Variants in DNAH14 observed in about 807,000 individuals in gnomAD.
The protein encoded by DNAH14 is axonemal beta dynein heavy chain 14.
In DNAH14, 478 loss-of-function variants were observed where a neutral mutation model predicts 520.9. That is an observed-to-expected ratio of 0.92 (90% confidence interval 0.85 to 0.99). The LOEUF is 0.99. DNAH14 is among the 50% of genes least tolerant of loss of function. The probability of loss-of-function intolerance (pLI) is 0.00; values close to 1 mark genes in which losing one functional copy is unlikely to be tolerated. For synonymous variants in DNAH14, 1,581 were observed against 1,757.2 expected, an observed-to-expected ratio of 0.90 and a Z score of 2.51; for missense variants, 4,831 against 5,234.5, an observed-to-expected ratio of 0.92 and a Z score of 2.38.
chr1:225,199,233 T>C (rs2086514019), intron 38 of DNAH14, among the ~76,000 whole-genome samples: 2 of 152,168 alleles, frequency 1.3e-5, no homozygotes, highest in Admixed American at 6.5e-5. Context: ...TTTTCTGTCT[T>C]CTTTTCTTGG....
At chr1:225,296,973 T>C (rs2094023149) in intron 55 of DNAH14, among the ~76,000 whole-genome samples, 1 of 152,168 alleles carries the variant, frequency 6.6e-6, no homozygotes, top group African/African-American at 2.4e-5. Flanking sequence ...TTTTTTGGGG[T>C]TGAATCTACT....
intron 36 of DNAH14, among the ~76,000 whole-genome samples, chr1:225,177,675 G>T (rs190508228): frequency 6.6e-6 from 1 of 152,322 alleles, no homozygotes; most frequent in East Asian, 1.9e-4. Flanking sequence ...TCCATGTGAT[G>T]TTGAGCCTGC....
intron 17 of DNAH14, among the ~76,000 whole-genome samples, chr1:225,057,156 A>G (rs1269948517): frequency 6.6e-6 from 1 of 152,212 alleles, no homozygotes; most frequent in Non-Finnish European, 1.5e-5. Context: ...GATTCTTCCT[A>G]CCCATGAGCA....
chr1:224,953,909 A>G (rs1196581433), intron 2 of DNAH14, among the ~76,000 whole-genome samples: 1 of 152,212 alleles, frequency 6.6e-6, no homozygotes, highest in African/African-American at 2.4e-5. Flanking sequence ...TTAAGAAGCC[A>G]TAAACAATAC....
chr1:225,322,841 A>G lies in DNAH14; in HGVS notation c.9495+18A>G, dbSNP rs1384165638. ...CTGATAAGGTAAAAAGTTGATCTCT[A>G]ATTGATGCATCTCATATTTACAGTC... On this transcript the variant is annotated intron_variant, in intron 62 of 85. Transcript: ENST00000682510. The G allele has an allele frequency of 5.2e-6, 8 of 1,538,116 alleles. No homozygotes were observed. The highest frequency in any genetic ancestry group is 1.4e-5 in the African/African-American group (1 of 72,802).
chr1:225,297,188 T>A (rs1452893008), intron 55 of DNAH14, among the ~76,000 whole-genome samples: 1 of 152,084 alleles, frequency 6.6e-6, no homozygotes, highest in Non-Finnish European at 1.5e-5. Flanking sequence ...TTCATTGAAA[T>A]CTGTAGCTCT....
chr1:224,987,821 T>G (rs2449260), intron 8 of DNAH14, among the ~76,000 whole-genome samples: 22,910 of 151,928 alleles, frequency 0.15, 3,189 homozygotes, highest in African/African-American at 0.36. Flanking sequence ...AGAGATGAGG[T>G]TTCACTATGT....
chr1:225,272,765 A>T (rs1243548486), intron 51 of DNAH14, among the ~76,000 whole-genome samples, 190 bp from the exon 52 acceptor site: 1 of 152,066 alleles, frequency 6.6e-6, no homozygotes, highest in African/African-American at 2.4e-5. Context: ...ATTCCATACC[A>T]ATTTTCCCTA....
chr1:225,103,336 T>A (rs181467807), intron 23 of DNAH14, among the ~76,000 whole-genome samples: 1 of 152,322 alleles, frequency 6.6e-6, no homozygotes, highest in East Asian at 1.9e-4. Context: ...TGCCTCCAGC[T>A]TTGTTCTTTT....
Position 225,055,702 on chromosome 1 carries a change from T to C in DNAH14, c.2424+3907T>C, listed in dbSNP as rs558173543. Reference sequence around the variant, plus strand: ...CCCTCCCCCCTCCCCCACCACACAATAGGCCCTGTTGTGTGATGTTCCCCT... The same window carrying C: ...CCCTCCCCCCTCCCCCACCACACAACAGGCCCTGTTGTGTGATGTTCCCCT... On this transcript the variant is annotated intron_variant, in intron 17 of 85. Transcript: ENST00000682510. 1.4e-4 allele frequency among the ~76,000 whole-genome samples: 16 copies of C among 110,770 alleles called. No individual in the cohort carries two copies. In the East Asian group the frequency reaches 3.6e-3, roughly 25 times the overall value. The allele number at this position is 110,770 out of a possible 152,430, so 72.7% of individuals were successfully genotyped here.
At chr1:225,079,684 T>TTC (rs1278917758) in intron 18 of DNAH14, 136 bp downstream of exon 18, 1 of 645,424 alleles carries the variant, frequency 1.5e-6, no homozygotes, top group Non-Finnish European at 2.4e-6. Flanking sequence ...TTTTTTTTTT[T>TTC]TTTTTTTGAG....
At chr1:225,316,762 TC>T (rs2150168341) in intron 60 of DNAH14, among the ~76,000 whole-genome samples, 1 of 152,352 alleles carries the variant, frequency 6.6e-6, no homozygotes, top group Admixed American at 6.5e-5. Flanking sequence ...TGCGTTGATC[TC>T]GCTGGGAGCT....
Position 225,380,149 on chromosome 1 carries a change from T to G in DNAH14, c.12717-10T>G. ...TCTGTGTCTCATTCTTCTCTTGGTT[T>G]TTTTTGCAGACCTGAGCAGAGTAAG... On this transcript the variant is annotated splice_polypyrimidine_tract_variant and intron_variant, in intron 79 of 85. Transcript: ENST00000682510. 1 of 1,541,402 alleles carries G rather than the reference T, an allele frequency of 6.5e-7. No individual in the cohort carries two copies. The highest frequency in any genetic ancestry group is 2.5e-5 in the East Asian group (1 of 40,786).
Position 225,140,840 on chromosome 1 carries a change from G to A in DNAH14, c.4327G>A (p.Val1443Ile). The stretch of plus-strand genomic sequence containing the variant: ...TTATTCAAGAGAAAAATTGGAAAAA[G>A]TCCACGCTGGTCTGATGTGTCATCT... ...SSYSREKLEK[V>I]HAGLMCHLEE... The change falls in exon 28 of 86, where the codon GTC becomes ATC. Residue 1443 changes from valine to isoleucine, a missense_variant. Val to Ile is a conservative substitution (Grantham distance 29, BLOSUM62 3). Transcript: ENST00000682510. 2 of 1,551,020 alleles carry A rather than the reference G, an allele frequency of 1.3e-6. No individual in the cohort carries two copies. The highest frequency in any genetic ancestry group is 2.4e-5 in the East Asian group (1 of 40,878).
chr1:224,977,892 A>G (rs1572197228), intron 8 of DNAH14, among the ~76,000 whole-genome samples: 1 of 151,982 alleles, frequency 6.6e-6, no homozygotes, highest in Non-Finnish European at 1.5e-5. Flanking sequence ...AAGGAATACA[A>G]ATGGCCAGCA....
In DNAH14 at chr1:225,050,249, T is replaced by A; in HGVS notation, c.1952T>A (p.Ile651Asn). Residue 651 changes from isoleucine (I) to asparagine (N), a missense_variant, in exon 16 of 86, where the codon ATC becomes AAC. Ile to Asn is a moderately radical substitution (Grantham distance 149, BLOSUM62 -3). Coordinates refer to ENST00000682510, the MANE Select transcript of DNAH14 (RefSeq NM_001367479.1). ...TPLCQDPQLS[I>N]FIDLVSIMDL... is the part of the protein sequence containing the mutation. ...CTTTGCCAAGATCCCCAGCTGTCTATCTTCATTGATTTGGTTTCAATAATG... is the reference window on the plus strand; with the variant it reads ...CTTTGCCAAGATCCCCAGCTGTCTAACTTCATTGATTTGGTTTCAATAATG... The A allele has an allele frequency of 6.5e-7, 1 of 1,549,334 alleles. No individual in the cohort carries two copies. The highest frequency in any genetic ancestry group is 8.7e-7 in the Non-Finnish European group (1 of 1,146,214).
intron 83 of DNAH14, among the ~76,000 whole-genome samples, chr1:225,391,404 C>T (rs2095910901): frequency 6.6e-6 from 1 of 151,998 alleles, no homozygotes; most frequent in Admixed American, 6.6e-5. Context: ...CCCAGGAGGT[C>T]GAGGCTGCAG....
intron 5 of DNAH14, among the ~76,000 whole-genome samples, chr1:224,965,848 A>C (rs1333755740): frequency 2.0e-5 from 3 of 152,184 alleles, no homozygotes; most frequent in Non-Finnish European, 2.9e-5. Context: ...AAAACAAAAC[A>C]AAACCATAGC....
intron 41 of DNAH14, among the ~76,000 whole-genome samples, chr1:225,215,553 A>C (rs2089188796): frequency 6.7e-6 from 1 of 148,804 alleles, no homozygotes; most frequent in African/African-American, 2.4e-5. Context: ...AGTCTCTAAG[A>C]ACTTGCTTTA....
Sources: gnomAD v4.1 joint callset for allele counts (sites outside exome capture counted in the v4.1 genomes callset) on GRCh38, gnomAD v4.1.1 for gene constraint, MANE v1.5 for transcripts, NCBI Gene and HGNC (gene_info 2026-07-23, HGNC 2026-07-21) for gene names.